The following GATA4 variants were observed in gnomAD, a reference collection of about 807,000 sequenced individuals.
GATA4 encodes the protein GATA binding protein 4, also known as transcription factor GATA-4.
In GATA4, 7 loss-of-function variants were observed where a neutral mutation model predicts 37.9. That is an observed-to-expected ratio of 0.18 (90% CI 0.11 to 0.35). GATA4 has a LOEUF of 0.35. Ranked by LOEUF, GATA4 falls within the 10% of genes least tolerant of loss-of-function variation. GATA4 has a pLI of 1.00. For synonymous variants in GATA4, 372 were observed against 292.6 expected (o/e 1.27, Z -2.77); for missense variants, 647 against 653.0 (o/e 0.99, Z 0.10).
At position 11,724,958 on chromosome 8, in the gene GATA4, C is replaced by T. The variant is rs80079727; in HGVS notation, c.616+16030C>T. On this transcript the variant is annotated intron_variant, in intron 2 of 6. Coordinates refer to ENST00000532059, the MANE Select transcript of GATA4 (RefSeq NM_001308093.3). The stretch of plus-strand genomic sequence containing the variant: ...GAAGGGAAGAGCTGTATGTGTAAGA[C>T]GCCTTCCATGTGCCCCTCATGCCCG... Among the ~76,000 whole-genome samples, 845 of 152,340 alleles carry T rather than the reference C, an allele frequency of 5.5e-3. 8 individuals are homozygous for T. The highest frequency in any genetic ancestry group is 9.4e-3 in the Non-Finnish European group (642 of 68,028).
chr8:11,737,992 C>T (rs1223316673), intron 2 of GATA4, among the ~76,000 whole-genome samples: 1 of 152,064 alleles, frequency 6.6e-6, no homozygotes, highest in Non-Finnish European at 1.5e-5. Flanking sequence ...ACCACCCTGA[C>T]CAACATGGTG....
intron 2 of GATA4, among the ~76,000 whole-genome samples, chr8:11,719,618 C>G (rs1800582880): frequency 6.6e-6 from 1 of 152,046 alleles, no homozygotes. Context: ...CCAAAGATAA[C>G]CACTGTTAGG....
rs1164792409 is a variant in GATA4 at position 11,709,615 on chromosome 8, A to G, written c.616+687A>G. 6.6e-6 allele frequency among the ~76,000 whole-genome samples: 1 copy of G among 151,402 alleles called. No individual in the cohort carries two copies. The stretch of plus-strand genomic sequence containing the variant: ...ACACGCCCGGTCAGTGTCCGGGAAC[A>G]TAGGGACCTCAAACGCGCTTGTTCA... On this transcript the variant is annotated intron_variant, in intron 2 of 6. Transcript: ENST00000532059. The surrounding 1 kb of genome is among the most constrained non-coding windows in gnomAD (Gnocchi z 4.3).
intron 1 of GATA4, among the ~76,000 whole-genome samples, chr8:11,681,848 G>A (rs916188041): frequency 6.6e-6 from 1 of 152,128 alleles, no homozygotes; most frequent in Non-Finnish European, 1.5e-5. Context: ...GCTGATGTAA[G>A]GACTGCAGCT....
At chr8:11,710,288 G>C (rs964964953) in intron 2 of GATA4, among the ~76,000 whole-genome samples, 1 of 152,164 alleles carries the variant, frequency 6.6e-6, no homozygotes, top group Admixed American at 6.5e-5. Flanking sequence ...GCCACCCCCA[G>C]GGGAGGAGGG....
At chr8:11,755,785 A>G (rs1366952840) in intron 5 of GATA4, among the ~76,000 whole-genome samples, 1 of 152,084 alleles carries the variant, frequency 6.6e-6, no homozygotes, top group East Asian at 1.9e-4. Flanking sequence ...GTTCTCTTCA[A>G]TATACCACTC....
chr8:11,735,376 TGGGG>T (rs932808179), intron 2 of GATA4, among the ~76,000 whole-genome samples: 18 of 152,168 alleles, frequency 1.2e-4, no homozygotes, highest in Admixed American at 7.9e-4. Context: ...TAGCAGATGG[TGGGG>T]GAATAAACAG....
intron 1 of GATA4, among the ~76,000 whole-genome samples, chr8:11,687,193 C>G (rs1438079920): frequency 6.6e-6 from 1 of 152,122 alleles, no homozygotes; most frequent in Non-Finnish European, 1.5e-5. Flanking sequence ...ACGCTTCATT[C>G]TCTGCTAGCT....
At chr8:11,698,564 T>A (rs1242655640) in intron 1 of GATA4, among the ~76,000 whole-genome samples, 1 of 152,174 alleles carries the variant, frequency 6.6e-6, no homozygotes, top group African/African-American at 2.4e-5. Flanking sequence ...CTCCTCACCC[T>A]GCATTTTTTC....
intron 1 of GATA4, chr8:11,680,408 G>A (rs1798919753): frequency 1.1e-6 from 1 of 911,852 alleles, no homozygotes; most frequent in African/African-American, 1.8e-5. Flanking sequence ...CCCGCCCTCG[G>A]CCCACGAGGC....
At position 11,708,343 on chromosome 8, in the gene GATA4, C is replaced by A. The variant is rs1350855665; in HGVS notation, c.31C>A (p.His11Asn). Residue 11 changes from histidine to asparagine, a missense_variant, in exon 2 of 7, where the codon CAC (histidine) becomes AAC (asparagine). Transcript: ENST00000532059. This position sits in a 1 kb window ranked among gnomAD's most constrained non-coding sequence, Gnocchi z 6.7. ...TCAGAGCTTGGCCATGGCCGCCAAC[C>A]ACGGGCCGCCCCCCGGTGCCTACGA... Reference protein sequence around the residue: MYQSLAMAANHGPPPGAYEAG... With the variant: MYQSLAMAANNGPPPGAYEAG... 2 of 1,584,118 alleles carry A rather than the reference C, an allele frequency of 1.3e-6. No individual in the cohort carries two copies. Among genetic ancestry groups the A allele is most frequent in the Non-Finnish European group, 1.7e-6 (2 of 1,173,136 alleles).
At chr8:11,692,811 G>C (rs1240809139) in intron 1 of GATA4, 26 of 981,554 alleles carry the variant, frequency 2.6e-5, no homozygotes, top group Non-Finnish European at 3.0e-5. Flanking sequence ...CGGCGCAGCG[G>C]GCGCCAGGCC....
At chr8:11,691,926 A>T, upstream of GATA4, 1 of 812,700 alleles carries the variant, frequency 1.2e-6, no homozygotes, top group Non-Finnish European at 1.5e-6. Context: ...AAAAAAAAAA[A>T]ATCAAAAACC....
chr8:11,677,233 C>T (rs1798814116), intron 1 of GATA4, among the ~76,000 whole-genome samples: 1 of 152,294 alleles, frequency 6.6e-6, no homozygotes, highest in East Asian at 1.9e-4. Flanking sequence ...GAGGCGGAGG[C>T]TGTGGAGAGG....
chr8:11,757,915 C>A (rs1802685361), intron 6 of GATA4, among the ~76,000 whole-genome samples: 2 of 152,222 alleles, frequency 1.3e-5, no homozygotes, highest in Admixed American at 6.5e-5. Flanking sequence ...CCTGATCCCA[C>A]AGAACCAGGG....
intron 1 of GATA4, chr8:11,694,442 C>G: frequency 1.0e-6 from 1 of 982,076 alleles, no homozygotes; most frequent in Non-Finnish European, 1.2e-6. Flanking sequence ...TCTTTTCTTC[C>G]CCCAGAACAT....
At chr8:11,704,160 C>T (rs1274585542), upstream of GATA4, 2 of 152,350 alleles carry the variant, frequency 1.3e-5, no homozygotes, top group Non-Finnish European at 2.9e-5. Context: ...CAGTCAGCGC[C>T]CTAGGGCCGA....
intron 1 of GATA4, among the ~76,000 whole-genome samples, chr8:11,683,593 A>G (rs1027956068): frequency 2.6e-5 from 4 of 152,190 alleles, no homozygotes; most frequent in African/African-American, 9.7e-5. Flanking sequence ...AACATTTACC[A>G]AGCTTTCCTC....
chr8:11,708,812 C>T lies in GATA4; in HGVS notation c.500C>T (p.Ala167Val). 2.0e-6 allele frequency: 3 copies of T among 1,483,010 alleles called. No individual in the cohort carries two copies. The highest frequency in any genetic ancestry group is 2.5e-5 in the South Asian group (2 of 78,522). 91.9% of individuals were successfully genotyped at this position (1,483,010 alleles called of 1,614,324 possible). A position where few individuals can be genotyped will look rare whatever the true frequency, so the allele number is the denominator to read the frequency against. Residue 167 changes from alanine to valine, a missense_variant, in exon 2 of 7, where the codon GCC becomes GTC. Physicochemically the swap from Ala to Val is moderately conservative, Grantham distance 64. This residue lies in a region of GATA4 where 379 missense variants were observed against 334.5 expected (regional missense o/e 1.13). Coordinates refer to ENST00000532059, the MANE Select transcript of GATA4 (RefSeq NM_001308093.3). This position sits in a 1 kb window ranked among gnomAD's most constrained non-coding sequence, Gnocchi z 6.7. The part of the protein sequence containing the change: ...SYSSPYPAYM[A>V]DVGASWAAAA... ...TCCAGCCCCTACCCGGCTTACATGG[C>T]CGACGTGGGCGCGTCCTGGGCCGCA... is the stretch of plus-strand genomic sequence containing the variant.
Sources: gnomAD v4.1 joint callset for allele counts (sites outside exome capture counted in the v4.1 genomes callset) on GRCh38, gnomAD v4.1.1 for gene constraint, gnomAD v4.1.1 regional missense constraint, Gnocchi (gnomAD v3.1) non-coding constraint, MANE v1.5 for transcripts, NCBI Gene and HGNC (gene_info 2026-07-23, HGNC 2026-07-21) for gene names.